The following MGST2 variants were observed in gnomAD, a reference collection of about 807,000 sequenced individuals.
MGST2 encodes the protein glutathione peroxidase MGST2.
Under a neutral mutation model 16.6 loss-of-function variants are expected in MGST2, and 9 were observed. The observed-to-expected ratio is 0.54, with a 90% CI of 0.33 to 0.95. The LOEUF (loss-of-function observed/expected upper bound fraction) is 0.95. Ranked by LOEUF, MGST2 falls within the 40% of genes least tolerant of loss-of-function variation. The pLI, the probability that MGST2 is intolerant of heterozygous loss-of-function variation, is 0.03. For synonymous variants in MGST2, 79 were observed against 68.0 expected, an observed-to-expected ratio of 1.16 and a Z score of -0.79; for missense variants, 159 against 175.1, an observed-to-expected ratio of 0.91 and a Z score of 0.52.
At chr4:139,682,101 T>A (rs1256130099) in intron 2 of MGST2, among the ~76,000 whole-genome samples, 1 of 150,980 alleles carries the variant, frequency 6.6e-6, no homozygotes, top group East Asian at 1.9e-4. Flanking sequence ...GAGGCTGAGG[T>A]TGGAGGATTG....
chr4:139,714,082 T>G (rs1727842797), intron 5 of MGST2, among the ~76,000 whole-genome samples: 1 of 152,194 alleles, frequency 6.6e-6, no homozygotes, highest in South Asian at 2.1e-4. Context: ...CCCAAGGACA[T>G]AAAACAAGGT....
chr4:139,680,411 A>G (rs1011896768), intron 2 of MGST2, among the ~76,000 whole-genome samples: 1 of 152,256 alleles, frequency 6.6e-6, no homozygotes, highest in Middle Eastern at 3.4e-3. Flanking sequence ...TTACATTCAA[A>G]TGCATTAGAT....
At chr4:139,723,260 C>A (rs1728326917) in intron 5 of MGST2, among the ~76,000 whole-genome samples, 1 of 152,160 alleles carries the variant, frequency 6.6e-6, no homozygotes, top group Non-Finnish European at 1.5e-5. Context: ...TAGGATTGAT[C>A]ATCTCTGGAT....
intron 5 of MGST2, among the ~76,000 whole-genome samples, chr4:139,710,852 T>TATC (rs1368408376): frequency 2.0e-5 from 3 of 152,134 alleles, no homozygotes; most frequent in Non-Finnish European, 2.9e-5. Flanking sequence ...CTTTTTAAAG[T>TATC]TTGATGAGGA....
In MGST2 at chr4:139,666,096, T is replaced by TCGTGTGTGTGCG. The variant is rs779389452; in HGVS notation, c.58+28_58+39dup. On this transcript the variant is annotated intron_variant, in intron 1 of 4. Transcript: ENST00000265498. The stretch of plus-strand genomic sequence containing the variant: ...CAGCAAAGTAAGAGGCATGGGAAGT[T>TCGTGTGTGTGCG]CGTGTGTGTGCGCGTGTGTGCGTGT... 9.3e-6 allele frequency: 14 copies of TCGTGTGTGTGCG among 1,502,774 alleles called. No homozygotes were observed. The African/African-American group carries it at 2.1e-4, about 22-fold the overall frequency. The allele number at this position is 1,502,774 out of a possible 1,614,324, so 93.1% of individuals were successfully genotyped here. A position where few individuals can be genotyped will look rare whatever the true frequency, so the allele number is the denominator to read the frequency against.
At chr4:139,698,493 A>G (rs1369969126) in intron 3 of MGST2, 38 of 1,184,620 alleles carry the variant, frequency 3.2e-5, no homozygotes, top group Non-Finnish European at 4.5e-5. Flanking sequence ...TTTTGTAGCC[A>G]GTTGCTTCCT....
chr4:139,667,351 A>G (rs1730420588), intron 1 of MGST2, among the ~76,000 whole-genome samples: 1 of 152,096 alleles, frequency 6.6e-6, no homozygotes, highest in Non-Finnish European at 1.5e-5. Context: ...CACAGGTGCT[A>G]CCAAACCTGC....
intron 3 of MGST2, among the ~76,000 whole-genome samples, chr4:139,702,050 A>G (rs1473692126): frequency 6.6e-6 from 1 of 152,150 alleles, no homozygotes; most frequent in Non-Finnish European, 1.5e-5. Context: ...TAGACTCCAA[A>G]TGTTTACAGT....
intron 2 of MGST2, 97 bp from the exon 3 acceptor site, chr4:139,695,100 G>A (rs1375144898): frequency 1.7e-5 from 14 of 828,028 alleles, no homozygotes; most frequent in Non-Finnish European, 2.9e-5. Context: ...CTTATATTTT[G>A]TTAAAATAGG....
intron 2 of MGST2, among the ~76,000 whole-genome samples, chr4:139,681,202 G>A (rs1731224053): frequency 6.6e-6 from 1 of 152,104 alleles, no homozygotes; most frequent in Admixed American, 6.6e-5. Context: ...TTTTTTGGTA[G>A]AGATAAGGTT....
downstream of MGST2, among the ~76,000 whole-genome samples, chr4:139,708,812 G>C (rs367624337): frequency 2.0e-5 from 3 of 151,976 alleles, no homozygotes; most frequent in East Asian, 5.8e-4. Flanking sequence ...AGACCAGCCT[G>C]ACCAACATGA....
intron 2 of MGST2, among the ~76,000 whole-genome samples, chr4:139,679,394 A>G (rs1345366766): frequency 6.6e-6 from 1 of 152,164 alleles, no homozygotes; most frequent in African/African-American, 2.4e-5. Context: ...TCTCATTTTG[A>G]TACAGATGAA....
In MGST2 at chr4:139,690,001, A is replaced by AT. The variant is rs531793285; in HGVS notation, c.159-5188dup. 4.1e-3 allele frequency among the ~76,000 whole-genome samples: 630 copies of AT among 151,990 alleles called. 4 individuals are homozygous for AT. The highest frequency in any genetic ancestry group is 0.014 in the African/African-American group (585 of 41,440). On this transcript the variant is annotated intron_variant, in intron 2 of 4. Coordinates refer to ENST00000265498, the MANE Select transcript of MGST2 (RefSeq NM_002413.5). Reference sequence around the variant, plus strand: ...AAATCCTATCCTTTAATTAAAAAAAATTTTTTTTGAGACAGAGCCTTGCTC... The same window carrying AT: ...AAATCCTATCCTTTAATTAAAAAAAATTTTTTTTTGAGACAGAGCCTTGCTC...
At chr4:139,670,406 T>C (rs1730620652) in intron 1 of MGST2, among the ~76,000 whole-genome samples, 1 of 152,088 alleles carries the variant, frequency 6.6e-6, no homozygotes, top group South Asian at 2.1e-4. Context: ...GGTTACAGTT[T>C]GGTTTTATAC....
intron 2 of MGST2, among the ~76,000 whole-genome samples, chr4:139,681,354 T>G (rs1731232208): frequency 6.6e-6 from 1 of 152,118 alleles, no homozygotes; most frequent in Admixed American, 6.5e-5. Context: ...CCCCCAGATT[T>G]CCTCTCCTTC....
intron 5 of MGST2, among the ~76,000 whole-genome samples, chr4:139,736,516 C>T (rs752655222): frequency 1.6e-4 from 25 of 151,884 alleles, no homozygotes; most frequent in Admixed American, 3.3e-4. Context: ...AAACCATACT[C>T]ATAAGACTCC....
rs147752729 is a variant in MGST2, at chr4:139,713,932, A to G, written c.*48+9736A>G. On this transcript the variant is annotated intron_variant, in intron 5 of 5. Transcript: ENST00000616265. ...CCAGTTCCTTTCCCAGGAAGAGTCT[A>G]GAGTAGTTAATTTTGAGCTTGCAAA... Among the ~76,000 whole-genome samples, 279 of 152,338 alleles carry G rather than the reference A, an allele frequency of 1.8e-3. 3 individuals carry two copies. The highest frequency in any genetic ancestry group is 6.5e-3 in the African/African-American group (272 of 41,576).
chr4:139,750,803 C>T, the MGST2 span, among the ~76,000 whole-genome samples: 2 of 152,226 alleles, frequency 1.3e-5, no homozygotes. Flanking sequence ...TTCTCATCTT[C>T]AGGTCTCATC....
intron 5 of MGST2, chr4:139,718,929 C>CT: frequency 5.5e-6 from 1 of 181,688 alleles, no homozygotes; most frequent in Non-Finnish European, 1.2e-5. Flanking sequence ...AAGCTGCTGT[C>CT]TCCCGACCTG....
Sources: allele counts gnomAD v4.1 joint callset (sites outside exome capture counted in the v4.1 genomes callset), GRCh38; gene constraint gnomAD v4.1.1; transcripts MANE v1.5; gene names NCBI Gene and HGNC (gene_info 2026-07-23, HGNC 2026-07-21).